The following MSH6 variants were observed in gnomAD, a reference collection of about 807,000 sequenced individuals.
The protein encoded by MSH6 is mutS homolog 6.
A neutral mutation model predicts 119.1 loss-of-function variants in MSH6; 85 were observed. The observed-to-expected ratio is 0.71, with a 90% CI of 0.60 to 0.85. The LOEUF (loss-of-function observed/expected upper bound fraction) is 0.85. Ranked by LOEUF, MSH6 falls within the 40% of genes least tolerant of loss-of-function variation. The pLI is 0.00. For synonymous variants in MSH6, 830 were observed against 586.9 expected, an observed-to-expected ratio of 1.41 and a Z score of -5.99; for missense variants, 2,163 against 1,655.3, an observed-to-expected ratio of 1.31 and a Z score of -5.32.
chr2:47,805,143 T>C (rs1669896948), intron 6 of MSH6, 116 bp downstream of exon 6: 3 of 772,334 alleles, frequency 3.9e-6, no homozygotes, highest in Non-Finnish European at 6.8e-6. Flanking sequence ...TGGTGTTACT[T>C]TAAAAACATC....
downstream of MSH6, chr2:47,809,791 C>A (rs1572757471): frequency 1.2e-6 from 1 of 844,004 alleles, no homozygotes; most frequent in East Asian, 2.5e-5. Flanking sequence ...ATGTAAACTG[C>A]TTCTTTTATA....
intron 1 of MSH6, among the ~76,000 whole-genome samples, chr2:47,785,518 G>T (rs3136244): frequency 6.6e-6 from 1 of 151,628 alleles, no homozygotes; most frequent in Non-Finnish European, 1.5e-5. Context: ...GTGCCCGGCC[G>T]CTAGTTAGTG....
intron 1 of MSH6, chr2:47,784,293 A>G: frequency 2.1e-6 from 2 of 954,204 alleles, no homozygotes; most frequent in Non-Finnish European, 2.5e-6. Flanking sequence ...ACGTATGTGG[A>G]AATTCGTGTC....
intron 3 of MSH6, chr2:47,797,751 G>C (rs1669184940): frequency 1.2e-5 from 2 of 167,440 alleles, no homozygotes; most frequent in Non-Finnish European, 2.6e-5. Flanking sequence ...GCAGCACTTT[G>C]TGTTTTTGAA....
At chr2:47,802,251 C>T (rs1036649396) in intron 4 of MSH6, among the ~76,000 whole-genome samples, 4 of 152,322 alleles carry the variant, frequency 2.6e-5, no homozygotes, top group Admixed American at 1.3e-4. Context: ...ACCATCTCAA[C>T]TTCATAAGCA....
Position 47,794,749 on chromosome 2 carries a change from A to C in MSH6, c.458-1145A>C, listed in dbSNP as rs577656273. 1.6e-4 allele frequency among the ~76,000 whole-genome samples: 25 copies of C among 152,222 alleles called. No individual in the cohort carries two copies. The South Asian group carries it at 5.2e-3, about 32-fold the overall frequency. On this transcript the variant is annotated intron_variant, in intron 2 of 9. Coordinates refer to ENST00000234420, the MANE Select transcript of MSH6 (RefSeq NM_000179.3). ...TGTCTTTGGGACAAACTCATATTTAATATCATAGCTGCATGTAACTGACAG... is the reference window on the plus strand; with the variant it reads ...TGTCTTTGGGACAAACTCATATTTACTATCATAGCTGCATGTAACTGACAG...
In MSH6 at chr2:47,791,173, T is replaced by A. The variant is rs759253774; in HGVS notation, c.457+50T>A. ...GTGTGTTTGTGTGTGTGTGTGTGTG[T>A]GTGAGAGAAACAGACAGACAGGCAG... On this transcript the variant is annotated intron_variant, in intron 2 of 9. Transcript: ENST00000234420. The A allele has an allele frequency of 8.8e-5, 134 of 1,528,716 alleles. 1 individual carries two copies. Among genetic ancestry groups the A allele is most frequent in the African/African-American group, 3.4e-4 (25 of 73,180 alleles). 94.7% of individuals were successfully genotyped at this position (1,528,716 alleles called of 1,614,324 possible).
intron 2 of MSH6, among the ~76,000 whole-genome samples, chr2:47,794,566 C>T (rs1464883710): frequency 6.6e-6 from 1 of 152,100 alleles, no homozygotes; most frequent in Admixed American, 6.5e-5. Context: ...GCCACCACGC[C>T]CAGCCCTAAA....
At chr2:47,802,542 G>C (rs1669662040) in intron 4 of MSH6, among the ~76,000 whole-genome samples, 2 of 151,758 alleles carry the variant, frequency 1.3e-5, no homozygotes, top group African/African-American at 4.8e-5. Flanking sequence ...GTGTTGGCCA[G>C]GCTGTTCTTG....
At chr2:47,808,346 C>T, downstream of MSH6, 2 of 1,612,168 alleles carry the variant, frequency 1.2e-6, no homozygotes, top group Non-Finnish European at 1.7e-6. Flanking sequence ...GTCTAATAAA[C>T]TCTACATCAT....
rs41295278 is a variant in MSH6 at position 47,806,611 on chromosome 2, A to G, written c.3961A>G (p.Arg1321Gly). ...EVIQKGHRKA[R>G]EFEKMNQSLR... ...TATTCAAAAGGGACATAGAAAAGCA[A>G]GAGAATTTGAGAAGATGAATCAGTC... Residue 1321 changes from arginine to glycine, a missense_variant, in exon 9 of 10, where the codon AGA becomes GGA. Arg to Gly is a moderately radical substitution (Grantham distance 125, BLOSUM62 -2). Coordinates refer to ENST00000234420, the MANE Select transcript of MSH6 (RefSeq NM_000179.3). The G allele has an allele frequency of 2.3e-4, 372 of 1,612,772 alleles. No individual in the cohort carries two copies. Among genetic ancestry groups the G allele is most frequent in the Non-Finnish European group, 3.0e-4 (357 of 1,179,750 alleles).
At chr2:47,809,731 T>G, downstream of MSH6, 2 of 1,474,294 alleles carry the variant, frequency 1.4e-6, no homozygotes, top group Non-Finnish European at 9.5e-7. Flanking sequence ...TACAAACAAG[T>G]AGATACATCA....
intron 4 of MSH6, 45 bp downstream of exon 4, chr2:47,801,200 C>G (rs775899800): frequency 6.3e-7 from 1 of 1,592,550 alleles, no homozygotes; most frequent in Non-Finnish European, 8.5e-7. Context: ...ATAAGTAGTG[C>G]TGTTTGCCAG....
In MSH6 at chr2:47,800,321, G is replaced by A; in HGVS notation, c.2338G>A (p.Ala780Thr). The A allele has an allele frequency of 6.2e-7, 1 of 1,614,064 alleles. No homozygotes were observed. Among genetic ancestry groups the A allele is most frequent in the Non-Finnish European group, 8.5e-7 (1 of 1,180,008 alleles). Residue 780 changes from alanine to threonine, a missense_variant, in exon 4 of 10, where the codon GCC (alanine) becomes ACC (threonine). Transcript: ENST00000234420. ...GKRLLKQWLC[A>T]PLCNHYAIND... ...GCGGCTCCTAAAGCAATGGCTTTGT[G>A]CCCCACTCTGTAACCATTATGCTAT...
chr2:47,793,868 T>C (rs1020170413), intron 2 of MSH6, among the ~76,000 whole-genome samples: 1 of 151,568 alleles, frequency 6.6e-6, no homozygotes, highest in Non-Finnish European at 1.5e-5. Context: ...GTAGCTGTGA[T>C]TATAGGCGCC....
chr2:47,786,415 A>G (rs1425490566), intron 1 of MSH6, among the ~76,000 whole-genome samples: 1 of 151,654 alleles, frequency 6.6e-6, no homozygotes, highest in Non-Finnish European at 1.5e-5. Context: ...GCTCACTGCA[A>G]CCTCCGCCTC....
chr2:47,805,894 C>A (rs979180224), intron 7 of MSH6, among the ~76,000 whole-genome samples, 187 bp downstream of exon 7: 6 of 152,144 alleles, frequency 3.9e-5, no homozygotes, highest in African/African-American at 1.4e-4. Flanking sequence ...TTTTTGATTA[C>A]CCATTAATTA....
downstream of MSH6, chr2:47,809,578 G>A (rs774903128): frequency 4.6e-6 from 7 of 1,507,788 alleles, no homozygotes; most frequent in South Asian, 6.9e-5. Context: ...TATATTTATA[G>A]GTATAGCAGA....
rs2104353860 is a variant in MSH6 at position 47,799,575 on chromosome 2, C to T, written c.1592C>T (p.Pro531Leu). Reference sequence around the variant, plus strand: ...ACTTACAGTGTGCTGGAAGGTGATCCCTCTGAGAACTACAGTAAGTATCTT... The same window carrying T: ...ACTTACAGTGTGCTGGAAGGTGATCTCTCTGAGAACTACAGTAAGTATCTT... ...TQTYSVLEGD[P>L]SENYSKYLLS... The change falls in exon 4 of 10, where the codon CCC (proline) becomes CTC (leucine). Residue 531 changes from proline to leucine, a missense_variant. By Grantham distance (98) the Pro-to-Leu change is moderately conservative. Transcript: ENST00000234420. The T allele has an allele frequency of 1.2e-6, 2 of 1,614,072 alleles. No homozygotes were observed. Among genetic ancestry groups the T allele is most frequent in the Non-Finnish European group, 1.7e-6 (2 of 1,180,006 alleles).
Sources: allele counts gnomAD v4.1 joint callset (sites outside exome capture counted in the v4.1 genomes callset), GRCh38; gene constraint gnomAD v4.1.1; transcripts MANE v1.5; gene names NCBI Gene and HGNC (gene_info 2026-07-23, HGNC 2026-07-21).